The following SPAG16 variants were observed in gnomAD, a reference collection of about 807,000 sequenced individuals.
The protein encoded by SPAG16 is sperm-associated antigen 16 protein.
A neutral mutation model predicts 80.4 loss-of-function variants in SPAG16; 86 were observed. That is an observed-to-expected ratio of 1.07 (90% CI 0.90 to 1.28). The LOEUF is 1.28. Ranked by LOEUF, SPAG16 falls within the 50% of genes most tolerant of loss-of-function variation. The pLI is 0.00. For synonymous variants in SPAG16, 294 were observed against 265.9 expected (o/e 1.11, Z -1.03); for missense variants, 870 against 765.3 (o/e 1.14, Z -1.61).
intron 10 of SPAG16, among the ~76,000 whole-genome samples, chr2:213,745,548 A>G (rs1010555793): frequency 6.6e-6 from 1 of 152,088 alleles, no homozygotes; most frequent in Non-Finnish European, 1.5e-5. Flanking sequence ...TGGCCCAACT[A>G]TTTCATACTT....
At chr2:213,610,046 A>G (rs1257399494) in intron 10 of SPAG16, among the ~76,000 whole-genome samples, 3 of 152,014 alleles carry the variant, frequency 2.0e-5, no homozygotes, top group African/African-American at 7.3e-5. Context: ...TACTGTTGTA[A>G]TTATGGCCAC....
At chr2:213,792,290 C>T (rs2070747888) in intron 10 of SPAG16, among the ~76,000 whole-genome samples, 1 of 152,204 alleles carries the variant, frequency 6.6e-6, no homozygotes, top group Non-Finnish European at 1.5e-5. Flanking sequence ...TTCCATTTGA[C>T]TTCATTGAAG....
intron 12 of SPAG16, among the ~76,000 whole-genome samples, chr2:214,012,336 C>T (rs1483394510): frequency 8.0e-6 from 1 of 124,822 alleles, no homozygotes; most frequent in Non-Finnish European, 1.6e-5. Context: ...CGCTCTGTCA[C>T]CCAGTCTGGA....
intron 13 of SPAG16, among the ~76,000 whole-genome samples, chr2:214,043,806 A>C (rs1351702401): frequency 3.3e-5 from 5 of 152,160 alleles, no homozygotes; most frequent in Non-Finnish European, 7.4e-5. Context: ...ATTAGAAAAT[A>C]ATGTCAATAG....
chr2:213,813,151 C>A lies in SPAG16; in HGVS notation c.1071-49334C>A, dbSNP rs140740208. 7.2e-3 allele frequency among the ~76,000 whole-genome samples: 1,103 copies of A among 152,174 alleles called. 10 individuals carry two copies. The highest frequency in any genetic ancestry group is 0.012 in the Non-Finnish European group (818 of 68,006). ...TGACACGATAACTTTTTCTGAACCC[C>A]TCAGAGAACTGAAGTCACAAAAAAA... On this transcript the variant is annotated intron_variant, in intron 10 of 15. Transcript: ENST00000331683.
intron 10 of SPAG16, among the ~76,000 whole-genome samples, chr2:213,550,217 CT>C (rs146200781): frequency 0.017 from 2,514 of 148,752 alleles, 28 homozygotes; most frequent in Middle Eastern, 0.038. Context: ...ATATCACAGA[CT>C]TTTTTTTTTC....
intron 13 of SPAG16, among the ~76,000 whole-genome samples, chr2:214,056,269 TGTA>T (rs982150745): frequency 9.7e-5 from 14 of 143,976 alleles, no homozygotes; most frequent in East Asian, 3.9e-4. Flanking sequence ...TTGCACAAGA[TGTA>T]GTAGAAATAC....
At chr2:214,188,318 T>G (rs1054363000) in intron 15 of SPAG16, among the ~76,000 whole-genome samples, 1 of 152,178 alleles carries the variant, frequency 6.6e-6, no homozygotes, top group Non-Finnish European at 1.5e-5. Flanking sequence ...TCAAAGATGT[T>G]GTATATACAT....
At chr2:214,290,110 T>C (rs1022532517) in intron 15 of SPAG16, among the ~76,000 whole-genome samples, 1 of 152,052 alleles carries the variant, frequency 6.6e-6, no homozygotes, top group African/African-American at 2.4e-5. Flanking sequence ...AATTGGTATG[T>C]TCAGGTTTTT....
intron 13 of SPAG16, among the ~76,000 whole-genome samples, chr2:214,078,240 A>T (rs2051182558): frequency 6.6e-6 from 1 of 152,116 alleles, no homozygotes; most frequent in South Asian, 2.1e-4. Context: ...TCTGACAAAG[A>T]TTAAAAGTAT....
At chr2:213,546,869 T>A (rs2076629108) in intron 10 of SPAG16, among the ~76,000 whole-genome samples, 1 of 152,140 alleles carries the variant, frequency 6.6e-6, no homozygotes, top group African/African-American at 2.4e-5. Flanking sequence ...CTTTGGCGAA[T>A]TGGAAATATA....
chr2:213,707,366 T>A (rs528671843), intron 10 of SPAG16, among the ~76,000 whole-genome samples: 52 of 152,300 alleles, frequency 3.4e-4, no homozygotes, highest in African/African-American at 1.2e-3. Flanking sequence ...GGATCTTTTT[T>A]CCCATCCTTT....
At chr2:213,755,105 T>G (rs2068261785) in intron 10 of SPAG16, among the ~76,000 whole-genome samples, 1 of 152,230 alleles carries the variant, frequency 6.6e-6, no homozygotes, top group Non-Finnish European at 1.5e-5. Context: ...TCGATGTTTT[T>G]GATGTTATAA....
chr2:213,626,641 A>ATTTTTTTTT (rs10582370), intron 10 of SPAG16, among the ~76,000 whole-genome samples: 7 of 98,976 alleles, frequency 7.1e-5, no homozygotes, highest in Non-Finnish European at 9.7e-5. Context: ...ATCGGGCTCA[A>ATTTTTTTTT]TTTTTTTTTT....
At chr2:214,094,985 G>T (rs970605793) in intron 13 of SPAG16, among the ~76,000 whole-genome samples, 1 of 151,964 alleles carries the variant, frequency 6.6e-6, no homozygotes, top group South Asian at 2.1e-4. Context: ...GCTGCATGTG[G>T]GAGGACTGCT....
chr2:214,396,608 C>A (rs1347386948), intron 15 of SPAG16, among the ~76,000 whole-genome samples: 1 of 152,074 alleles, frequency 6.6e-6, no homozygotes, highest in African/African-American at 2.4e-5. Flanking sequence ...TTGATCCCTT[C>A]TTCTTACATG....
chr2:214,035,168 T>A (rs142565034), intron 13 of SPAG16, among the ~76,000 whole-genome samples: 1 of 152,190 alleles, frequency 6.6e-6, no homozygotes, highest in East Asian at 1.9e-4. Flanking sequence ...CATCATCTCC[T>A]CAAGTCTGGC....
chr2:213,685,197 A>C (rs941140312), intron 10 of SPAG16, among the ~76,000 whole-genome samples: 1 of 152,240 alleles, frequency 6.6e-6, no homozygotes, highest in Non-Finnish European at 1.5e-5. Context: ...TCTTAACCCC[A>C]AGTACCTCAG....
At chr2:214,089,830 C>T (rs2052047909) in intron 13 of SPAG16, among the ~76,000 whole-genome samples, 1 of 151,986 alleles carries the variant, frequency 6.6e-6, no homozygotes, top group Admixed American at 6.6e-5. Flanking sequence ...TCCCTAAATC[C>T]ATCCATAAAT....
Sources: gnomAD v4.1 joint callset for allele counts (sites outside exome capture counted in the v4.1 genomes callset) on GRCh38, gnomAD v4.1.1 for gene constraint, MANE v1.5 for transcripts, NCBI Gene and HGNC (gene_info 2026-07-23, HGNC 2026-07-21) for gene names.